Variants in MS4A4E observed in about 807,000 individuals in gnomAD.
MS4A4E encodes the protein putative membrane-spanning 4-domains subfamily A member 4E.
A neutral mutation model predicts 13.3 loss-of-function variants in MS4A4E; 23 were observed. The ratio of observed to expected loss-of-function variants is 1.73; its 90% CI spans 1.25 to 2.45. The LOEUF (loss-of-function observed/expected upper bound fraction) is 2.45, where lower values mean the gene tolerates loss of function less well. MS4A4E is among the 30% of genes most tolerant of loss of function. The pLI, the probability that MS4A4E is intolerant of heterozygous loss-of-function variation, is 0.00. For synonymous variants in MS4A4E, 36 were observed against 45.6 expected (o/e 0.79, Z 0.85); for missense variants, 144 against 131.2 (o/e 1.10, Z -0.48).
At chr11:60,235,555 T>A (rs900406785) in intron 1 of MS4A4E, among the ~76,000 whole-genome samples, 10 of 152,208 alleles carry the variant, frequency 6.6e-5, no homozygotes, top group African/African-American at 1.7e-4. Context: ...AATCTCCACA[T>A]ACTGTCCCTT....
chr11:60,225,201 A>T, intron 3 of MS4A4E: 1 of 1,083,192 alleles, frequency 9.2e-7, no homozygotes, highest in Non-Finnish European at 1.2e-6. Flanking sequence ...TGATATAGTC[A>T]TATGACCTTG....
intron 1 of MS4A4E, among the ~76,000 whole-genome samples, chr11:60,241,316 A>T (rs1190435234): frequency 1.3e-5 from 2 of 152,074 alleles, no homozygotes; most frequent in African/African-American, 4.8e-5. Flanking sequence ...GAGCCACCGC[A>T]CCCGGCCTAT....
chr11:60,203,800 C>T (rs552790483), intron 8 of MS4A4E, among the ~76,000 whole-genome samples: 129 of 152,182 alleles, frequency 8.5e-4, no homozygotes, highest in African/African-American at 3.0e-3. Context: ...GTAAATGTAG[C>T]AAAAGAAGGC....
intron 3 of MS4A4E, chr11:60,225,208 C>T: frequency 1.0e-6 from 1 of 971,096 alleles, no homozygotes; most frequent in Non-Finnish European, 1.4e-6. Flanking sequence ...GTCATATGAC[C>T]TTGATATTCT....
chr11:60,232,321 A>ACACACACACACACAC (rs556719466), intron 1 of MS4A4E, among the ~76,000 whole-genome samples: 3 of 147,320 alleles, frequency 2.0e-5, no homozygotes, highest in Admixed American at 6.8e-5. Context: ...ACACACACAC[A>ACACACACACACACAC]CCAAAAATGA....
chr11:60,205,127 A>G (rs1356593630), intron 7 of MS4A4E, among the ~76,000 whole-genome samples, 169 bp from the exon 8 acceptor site: 4 of 152,200 alleles, frequency 2.6e-5, no homozygotes, highest in Non-Finnish European at 4.4e-5. Flanking sequence ...AATACTTTTT[A>G]TCTTATCATA....
At chr11:60,221,563 C>T (rs1034560528) in intron 3 of MS4A4E, among the ~76,000 whole-genome samples, 1 of 152,210 alleles carries the variant, frequency 6.6e-6, no homozygotes, top group Non-Finnish European at 1.5e-5. Flanking sequence ...CTAGGACATC[C>T]CTGAAGGACA....
chr11:60,238,352 A>C (rs75627175), intron 1 of MS4A4E, among the ~76,000 whole-genome samples: 1,960 of 152,098 alleles, frequency 0.013, 126 homozygotes, highest in Admixed American at 0.1. Flanking sequence ...TTACAGATCT[A>C]TTCAGATTTT....
intron 4 of MS4A4E, among the ~76,000 whole-genome samples, chr11:60,214,071 T>C (rs950688112): frequency 1.3e-5 from 2 of 151,948 alleles, no homozygotes; most frequent in African/African-American, 4.8e-5. Context: ...CGCCTGGTAA[T>C]TTTTTTGTAT....
chr11:60,236,898 G>A (rs890150165), intron 1 of MS4A4E, among the ~76,000 whole-genome samples: 12 of 151,832 alleles, frequency 7.9e-5, no homozygotes, highest in Non-Finnish European at 1.2e-4. Flanking sequence ...CACCACGCCC[G>A]GCTAATTTTT....
chr11:60,232,277 C>T (rs962765992), intron 1 of MS4A4E, among the ~76,000 whole-genome samples: 4 of 62,376 alleles, frequency 6.4e-5, no homozygotes, highest in Non-Finnish European at 3.3e-5. Context: ...CTAACCTCAT[C>T]GCCATCAACA....
At chr11:60,218,893 T>C (rs759933914) in intron 3 of MS4A4E, among the ~76,000 whole-genome samples, 3 of 152,220 alleles carry the variant, frequency 2.0e-5, no homozygotes, top group Non-Finnish European at 4.4e-5. Context: ...TGGATCAGGC[T>C]GAATTTATTG....
chr11:60,216,386 G>T (rs1397035580), intron 3 of MS4A4E, among the ~76,000 whole-genome samples: 2 of 152,162 alleles, frequency 1.3e-5, no homozygotes, highest in Admixed American at 6.5e-5. Context: ...ATAATGGAGT[G>T]ACCCTATTTG....
rs191918321 is a variant in MS4A4E at position 60,204,005 on chromosome 11, G to T, written c.659+885C>A. On this transcript the variant is annotated intron_variant, in intron 8 of 8. Coordinates refer to ENST00000651255, the MANE Select transcript of MS4A4E (RefSeq NM_001393391.1). ...GCATTAGCTTTTTACAACTAAAAAT[G>T]TACTAATCTTAGGTTGCTTATGTAA... 3.3e-5 allele frequency among the ~76,000 whole-genome samples: 5 copies of T among 152,282 alleles called. No individual in the cohort carries two copies. The East Asian group carries it at 9.6e-4, about 29-fold the overall frequency.
intron 5 of MS4A4E, among the ~76,000 whole-genome samples, 182 bp from the exon 6 acceptor site, chr11:60,208,876 C>A (rs1339719989): frequency 6.6e-6 from 1 of 152,214 alleles, no homozygotes; most frequent in Non-Finnish European, 1.5e-5. Flanking sequence ...ACTTTTTTCA[C>A]TAATAAAATA....
intron 5 of MS4A4E, among the ~76,000 whole-genome samples, chr11:60,209,961 G>T (rs181130241): frequency 6.6e-6 from 1 of 152,270 alleles, no homozygotes; most frequent in African/African-American, 2.4e-5. Flanking sequence ...ATTGTTGTAG[G>T]CACAGAATAT....
Position 60,201,043 on chromosome 11 carries a change from C to T in MS4A4E, c.*500G>A, listed in dbSNP as rs560296804. Among the ~76,000 whole-genome samples, 25 of 143,388 alleles carry T rather than the reference C, an allele frequency of 1.7e-4. No individual in the cohort carries two copies. The highest frequency in any genetic ancestry group is 4.5e-4 in the African/African-American group (17 of 37,394). The allele number at this position is 143,388 out of a possible 152,430, so 94.1% of individuals were successfully genotyped here. ...CTGACCCCCCCACCTCCCTCCCAGA[C>T]GTGGTGGCTGGCCGGGTGGGGGGCT... is the stretch of plus-strand genomic sequence containing the variant. On this transcript the variant is annotated 3_prime_UTR_variant, in exon 9 of 9. Coordinates refer to ENST00000651255, the MANE Select transcript of MS4A4E (RefSeq NM_001393391.1).
intron 3 of MS4A4E, among the ~76,000 whole-genome samples, chr11:60,225,638 T>G (rs2084331317): frequency 1.3e-5 from 2 of 152,146 alleles, no homozygotes; most frequent in African/African-American, 4.8e-5. Context: ...TATCAAAATT[T>G]ATGGGATGTA....
At position 60,242,836 on chromosome 11, in the gene MS4A4E, C is replaced by T. The variant is rs1473883344; in HGVS notation, c.-17+122G>A. The stretch of plus-strand genomic sequence containing the variant: ...CTCAATCCACCCCAACCCTGACTAC[C>T]AGCTTGGGTCATGGGAAGTGACCTC... On this transcript the variant is annotated intron_variant, in intron 1 of 8. Transcript: ENST00000651255. 5 of 616,676 alleles carry T rather than the reference C, an allele frequency of 8.1e-6. No homozygotes were observed. The East Asian group carries it at 9.5e-5, about 12-fold the overall frequency. 38.2% of individuals were successfully genotyped at this position (616,676 alleles called of 1,614,324 possible).
Sources: gnomAD v4.1 joint callset for allele counts (sites outside exome capture counted in the v4.1 genomes callset) on GRCh38, gnomAD v4.1.1 for gene constraint, MANE v1.5 for transcripts, NCBI Gene and HGNC (gene_info 2026-07-23, HGNC 2026-07-21) for gene names.